TOX: variants seen among roughly 807,000 people sequenced by gnomAD.
The protein encoded by TOX is thymocyte selection-associated high mobility group box protein TOX.
Under a neutral mutation model 53.7 loss-of-function variants are expected in TOX, and 11 were observed. That is an observed-to-expected ratio of 0.20 (90% CI 0.13 to 0.34). TOX has a LOEUF of 0.34. Ranked by LOEUF, TOX falls within the 10% of genes least tolerant of loss-of-function variation. The probability of loss-of-function intolerance (pLI) is 1.00; values close to 1 mark genes in which losing one functional copy is unlikely to be tolerated. For missense variants in TOX, 570 were observed against 664.6 expected, an observed-to-expected ratio of 0.86 and a Z score of 1.56; for synonymous variants, 225 against 245.3, an observed-to-expected ratio of 0.92 and a Z score of 0.77.
intron 1 of TOX, among the ~76,000 whole-genome samples, chr8:59,057,614 GC>G (rs1018201275): frequency 6.6e-6 from 1 of 151,888 alleles, no homozygotes; most frequent in Non-Finnish European, 1.5e-5. Context: ...TATTCTCTCC[GC>G]CCCCCGCCTT....
intron 3 of TOX, among the ~76,000 whole-genome samples, chr8:58,914,316 A>T (rs1362544158): frequency 6.6e-6 from 1 of 152,206 alleles, no homozygotes; most frequent in Non-Finnish European, 1.5e-5. Context: ...TTTTCAGCTC[A>T]AATCTCTGAT....
At chr8:58,962,108 T>C (rs529847573) in intron 1 of TOX, among the ~76,000 whole-genome samples, 1 of 152,332 alleles carries the variant, frequency 6.6e-6, no homozygotes, top group East Asian at 1.9e-4. Context: ...CTCTAACTCA[T>C]TTTCTAAATC....
At chr8:58,902,911 T>C (rs578013614) in intron 3 of TOX, among the ~76,000 whole-genome samples, 1 of 152,346 alleles carries the variant, frequency 6.6e-6, no homozygotes, top group East Asian at 1.9e-4. Flanking sequence ...CTACCAGTTC[T>C]TGGTAAATGT....
At chr8:58,937,713 T>C (rs1037131429) in intron 3 of TOX, among the ~76,000 whole-genome samples, 1 of 152,158 alleles carries the variant, frequency 6.6e-6, no homozygotes, top group African/African-American at 2.4e-5. Flanking sequence ...TTATCCTTCC[T>C]ATGGCCCCAA....
At chr8:58,983,923 T>C (rs972546441) in intron 1 of TOX, among the ~76,000 whole-genome samples, 6 of 152,252 alleles carry the variant, frequency 3.9e-5, no homozygotes, top group Non-Finnish European at 7.3e-5. Flanking sequence ...ATGAATGACT[T>C]GGTTTATTCC....
intron 3 of TOX, among the ~76,000 whole-genome samples, chr8:58,930,914 C>T (rs531738797): frequency 5.8e-4 from 88 of 152,176 alleles, no homozygotes; most frequent in Middle Eastern, 3.2e-3. Context: ...TACTTATGGA[C>T]ATACTTAGAA....
intron 1 of TOX, among the ~76,000 whole-genome samples, chr8:59,044,105 C>T (rs1803643403): frequency 6.6e-6 from 1 of 151,896 alleles, no homozygotes; most frequent in Non-Finnish European, 1.5e-5. Context: ...CAGAATTATG[C>T]TGGGAGGTTA....
At chr8:59,076,215 A>G (rs901930148) in intron 1 of TOX, among the ~76,000 whole-genome samples, 5 of 152,322 alleles carry the variant, frequency 3.3e-5, no homozygotes, top group East Asian at 1.9e-4. Flanking sequence ...AGACGGTAAG[A>G]TAGGGTTGAA....
intron 1 of TOX, among the ~76,000 whole-genome samples, chr8:58,963,306 G>GATATAT (rs74274681): frequency 1.5e-5 from 2 of 131,584 alleles, no homozygotes; most frequent in African/African-American, 2.8e-5. Context: ...TAGATAGATA[G>GATATAT]ATATATATAT....
intron 4 of TOX, among the ~76,000 whole-genome samples, chr8:58,841,397 A>G (rs1016633922): frequency 2.0e-5 from 3 of 152,264 alleles, no homozygotes; most frequent in African/African-American, 4.8e-5. Flanking sequence ...TTGTTATAGT[A>G]GTAATAAAAA....
intron 1 of TOX, among the ~76,000 whole-genome samples, chr8:59,012,886 G>A (rs310363): frequency 0.5 from 74,298 of 148,362 alleles, 21,004 homozygotes; most frequent in Non-Finnish European, 0.61. Context: ...CCCAGACAGC[G>A]TACTCTTTCC....
chr8:58,927,046 C>T (rs1812174331), intron 3 of TOX, among the ~76,000 whole-genome samples: 1 of 126,130 alleles, frequency 7.9e-6, no homozygotes, highest in Non-Finnish European at 1.7e-5. Context: ...CATTGTCACA[C>T]CTTTTTTTTT....
At chr8:58,818,957 G>C (rs1464375177) in intron 6 of TOX, among the ~76,000 whole-genome samples, 1 of 152,218 alleles carries the variant, frequency 6.6e-6, no homozygotes, top group Non-Finnish European at 1.5e-5. Context: ...CACTCATTTA[G>C]ATGAGGAAAA....
Position 58,808,104 on chromosome 8 carries a change from G to T in TOX, c.1544+14C>A. ...GCGCTGTCCACCACCAGGTGGCGATGACCGGCCGCTTACCCACTACTGCAG... is the reference window on the plus strand; with the variant it reads ...GCGCTGTCCACCACCAGGTGGCGATTACCGGCCGCTTACCCACTACTGCAG... On this transcript the variant is annotated intron_variant, in intron 8 of 8. Coordinates refer to ENST00000361421, the MANE Select transcript of TOX (RefSeq NM_014729.3). The T allele has an allele frequency of 6.2e-7, 1 of 1,604,612 alleles. No homozygotes were observed. The highest frequency in any genetic ancestry group is 1.1e-5 in the South Asian group (1 of 89,192).
At chr8:58,971,027 T>A (rs754092510) in intron 1 of TOX, among the ~76,000 whole-genome samples, 5 of 152,154 alleles carry the variant, frequency 3.3e-5, no homozygotes, top group Non-Finnish European at 5.9e-5. Context: ...GTCTGAAAAG[T>A]AGTTCATTTT....
chr8:58,889,212 C>CAAAAAAAA (rs10556451), intron 3 of TOX, among the ~76,000 whole-genome samples: 226 of 114,326 alleles, frequency 2.0e-3, no homozygotes, highest in Non-Finnish European at 3.1e-3. Flanking sequence ...TTTACAATAG[C>CAAAAAAAA]AAAAAAAAAA....
At chr8:58,997,308 G>C (rs936473317) in intron 1 of TOX, among the ~76,000 whole-genome samples, 1 of 152,140 alleles carries the variant, frequency 6.6e-6, no homozygotes, top group Non-Finnish European at 1.5e-5. Context: ...ATAAGCAAGA[G>C]GAAAGCAAGA....
At chr8:58,956,192 A>G (rs1300807296) in intron 2 of TOX, among the ~76,000 whole-genome samples, 3 of 152,228 alleles carry the variant, frequency 2.0e-5, no homozygotes, top group Admixed American at 1.3e-4. Context: ...TTTAATTTAG[A>G]TGAACATTTA....
chr8:58,922,281 GAGA>G (rs1418233608), intron 3 of TOX, among the ~76,000 whole-genome samples: 2 of 152,198 alleles, frequency 1.3e-5, no homozygotes, highest in Non-Finnish European at 2.9e-5. Flanking sequence ...GAAGGGACAG[GAGA>G]AGAAGGCAAA....
Sources: gnomAD v4.1 joint callset for allele counts (sites outside exome capture counted in the v4.1 genomes callset) on GRCh38, gnomAD v4.1.1 for gene constraint, MANE v1.5 for transcripts, NCBI Gene and HGNC (gene_info 2026-07-23, HGNC 2026-07-21) for gene names.